Variants in MEF2C observed in about 807,000 individuals in gnomAD.
The protein encoded by MEF2C is myocyte-specific enhancer factor 2C.
A neutral mutation model predicts 50.5 loss-of-function variants in MEF2C; 6 were observed. That is an observed-to-expected ratio of 0.12 (90% CI 0.07 to 0.23). The LOEUF is 0.23. MEF2C is among the 10% of genes least tolerant of loss of function. The probability of loss-of-function intolerance (pLI) is 1.00; values close to 1 mark genes in which losing one functional copy is unlikely to be tolerated. For synonymous variants in MEF2C, 183 were observed against 228.0 expected (o/e 0.80, Z 1.78); for missense variants, 276 against 605.0 (o/e 0.46, Z 5.70).
chr5:88,749,686 T>C (rs1232635282), intron 5 of MEF2C, among the ~76,000 whole-genome samples: 1 of 152,222 alleles, frequency 6.6e-6, no homozygotes, highest in Non-Finnish European at 1.5e-5. Context: ...TTTGGCAATG[T>C]TTATTTATGA....
At chr5:88,746,803 G>A (rs1016482501) in intron 6 of MEF2C, 28 of 502,004 alleles carry the variant, frequency 5.6e-5, no homozygotes, top group Admixed American at 1.9e-4. Context: ...AGACTAAGTG[G>A]CATCTGCAAC....
intron 1 of MEF2C, among the ~76,000 whole-genome samples, chr5:88,840,062 A>C (rs1443235697): frequency 6.6e-6 from 1 of 152,228 alleles, no homozygotes; most frequent in Non-Finnish European, 1.5e-5. Context: ...AGAGTTATGC[A>C]AGGTCATATC....
chr5:88,780,470 CT>C (rs1222548547), intron 3 of MEF2C, among the ~76,000 whole-genome samples: 4 of 152,106 alleles, frequency 2.6e-5, no homozygotes, highest in Admixed American at 6.5e-5. Context: ...AAATGATATC[CT>C]TTTCCCAGTA....
At chr5:88,868,609 A>G (rs1185003731) in intron 1 of MEF2C, among the ~76,000 whole-genome samples, 1 of 152,000 alleles carries the variant, frequency 6.6e-6, no homozygotes, top group Non-Finnish European at 1.5e-5. Context: ...AACACACTAC[A>G]ATTCTCCCCC....
chr5:88,859,919 A>T (rs1169714291), intron 1 of MEF2C, among the ~76,000 whole-genome samples: 1 of 152,246 alleles, frequency 6.6e-6, no homozygotes, highest in Non-Finnish European at 1.5e-5. Context: ...TATTTTCTTT[A>T]AACAGCTTCA....
At chr5:88,724,045 T>C (rs984620163) in intron 10 of MEF2C, among the ~76,000 whole-genome samples, 9 of 152,164 alleles carry the variant, frequency 5.9e-5, no homozygotes, top group African/African-American at 2.2e-4. Flanking sequence ...CTAATTACAC[T>C]GACTTCCAGA....
At position 88,752,014 on chromosome 5, in the gene MEF2C, T is replaced by C. The variant is rs1230638479; in HGVS notation, c.432A>G (p.Pro144=). The C allele has an allele frequency of 1.9e-6, 3 of 1,610,228 alleles. No individual in the cohort carries two copies. The highest frequency in any genetic ancestry group is 1.3e-5 in the African/African-American group (1 of 74,970). ...TGTGGCTGGACACTGGGATGGAGAC[T>C]GGCATCTCGAAGTTGGGAGGTGGAA... is the stretch of plus-strand genomic sequence containing the variant. ...CAVPPPNFEM[P]VSIPVSSHNS... is the part of the protein sequence containing the mutation. Residue 144 remains proline (P), a synonymous_variant, in exon 5 of 11, where the codon CCA becomes CCG. Coordinates refer to ENST00000504921, the MANE Select transcript of MEF2C (RefSeq NM_002397.5).
intron 3 of MEF2C, among the ~76,000 whole-genome samples, chr5:88,799,870 T>TCA (rs60340884): frequency 0.011 from 1,233 of 107,488 alleles, 15 homozygotes; most frequent in African/African-American, 0.032. Context: ...TCTCTCTCTC[T>TCA]CACACACACA....
chr5:88,729,882 T>G (rs931006518), intron 8 of MEF2C, among the ~76,000 whole-genome samples: 3 of 152,070 alleles, frequency 2.0e-5, no homozygotes, highest in Non-Finnish European at 4.4e-5. Context: ...AGTAAAGAGA[T>G]AAAAGATCCA....
intron 3 of MEF2C, among the ~76,000 whole-genome samples, chr5:88,769,368 G>C (rs989039988): frequency 6.6e-6 from 1 of 152,144 alleles, no homozygotes; most frequent in Non-Finnish European, 1.5e-5. Context: ...GGGCCAATCA[G>C]ATGATTCAGG....
intron 6 of MEF2C, chr5:88,736,895 C>T: frequency 2.0e-6 from 2 of 985,358 alleles, no homozygotes; most frequent in Non-Finnish European, 2.4e-6. Context: ...ATTGGCTCTC[C>T]TGTTTAATTC....
intron 1 of MEF2C, among the ~76,000 whole-genome samples, chr5:88,836,861 T>C (rs571167262): frequency 3.9e-5 from 6 of 152,218 alleles, no homozygotes; most frequent in African/African-American, 1.4e-4. Context: ...CTCTCAAACC[T>C]AGACTCTAAA....
intron 1 of MEF2C, among the ~76,000 whole-genome samples, chr5:88,891,392 C>T (rs926183453): frequency 9.6e-5 from 12 of 125,636 alleles, no homozygotes; most frequent in Non-Finnish European, 1.8e-4. Context: ...AACCAACCAA[C>T]CTTTTTTTTT....
chr5:88,891,747 A>T (rs1375546814), intron 1 of MEF2C, among the ~76,000 whole-genome samples: 2 of 152,122 alleles, frequency 1.3e-5, no homozygotes, highest in African/African-American at 4.8e-5. Context: ...TATCTGAAAC[A>T]TATAAGGCAA....
chr5:88,882,357 CAGGG>C (rs2150116733), intron 1 of MEF2C, among the ~76,000 whole-genome samples: 1 of 152,296 alleles, frequency 6.6e-6, no homozygotes, highest in African/African-American at 2.4e-5. Flanking sequence ...ACTACTATGG[CAGGG>C]ATATTACTTT....
At chr5:88,802,897 A>C (rs1798945726) in intron 3 of MEF2C, among the ~76,000 whole-genome samples, 1 of 152,260 alleles carries the variant, frequency 6.6e-6, no homozygotes, top group Non-Finnish European at 1.5e-5. Context: ...ATGGATCTAC[A>C]GCATTTCACA....
chr5:88,771,433 T>C, intron 3 of MEF2C: 6 of 985,450 alleles, frequency 6.1e-6, no homozygotes, highest in Non-Finnish European at 7.2e-6. Context: ...GTGAAGCTTT[T>C]TCCTAACGCT....
chr5:88,788,597 A>C (rs561491273), intron 3 of MEF2C, among the ~76,000 whole-genome samples: 2 of 152,296 alleles, frequency 1.3e-5, no homozygotes, highest in Admixed American at 1.3e-4. Flanking sequence ...ATAATGGACA[A>C]TTATATTTGG....
intron 1 of MEF2C, among the ~76,000 whole-genome samples, chr5:88,859,319 C>T (rs1180935586): frequency 6.6e-6 from 1 of 152,158 alleles, no homozygotes. Flanking sequence ...AGAGTCTTTA[C>T]TCAAAAGCAA....
Sources: gnomAD v4.1 joint callset for allele counts (sites outside exome capture counted in the v4.1 genomes callset) on GRCh38, gnomAD v4.1.1 for gene constraint, MANE v1.5 for transcripts, NCBI Gene and HGNC (gene_info 2026-07-23, HGNC 2026-07-21) for gene names.